Variants in SCN4B observed in about 807,000 individuals in gnomAD.
SCN4B encodes the protein sodium channel regulatory subunit beta-4.
Under a neutral mutation model 19.6 loss-of-function variants are expected in SCN4B, and 20 were observed. The observed-to-expected ratio is 1.02, with a 90% CI of 0.72 to 1.48. The LOEUF (loss-of-function observed/expected upper bound fraction) is 1.48, where lower values mean the gene tolerates loss of function less well. Ranked by LOEUF, SCN4B falls within the 40% of genes most tolerant of loss-of-function variation. The pLI is 0.00. For missense variants in SCN4B, 271 were observed against 287.5 expected, an observed-to-expected ratio of 0.94 and a Z score of 0.42; for synonymous variants, 127 against 122.8, an observed-to-expected ratio of 1.03 and a Z score of -0.22.
At chr11:118,149,891 C>T (rs796406229) in intron 1 of SCN4B, among the ~76,000 whole-genome samples, 20 of 152,336 alleles carry the variant, frequency 1.3e-4, no homozygotes, top group African/African-American at 4.3e-4. Context: ...CACAGGCTTG[C>T]ACCTCCAGCA....
rs537792120 is a variant in SCN4B at position 118,135,709 on chromosome 11, C to T, written c.*1318G>A. ...GAGGGCTGGCGAACCCTCACCAGCA[C>T]CACACCAGACTCTGCTGTTATGTCA... On this transcript the variant is annotated 3_prime_UTR_variant, in exon 5 of 5. Coordinates refer to ENST00000324727, the MANE Select transcript of SCN4B (RefSeq NM_174934.4). The T allele has an allele frequency of 1.5e-5, 7 of 454,444 alleles. No individual in the cohort carries two copies. The highest frequency in any genetic ancestry group is 1.1e-4 in the South Asian group (7 of 64,476). 28.2% of individuals were successfully genotyped at this position (454,444 alleles called of 1,614,324 possible).
In SCN4B at chr11:118,136,246, A is replaced by C. The variant is rs1191748865; in HGVS notation, c.*781T>G. The C allele has an allele frequency of 4.4e-6, 2 of 453,700 alleles. No homozygotes were observed. Among genetic ancestry groups the C allele is most frequent in the African/African-American group, 4.0e-5 (2 of 49,888 alleles). The allele number at this position is 453,700 out of a possible 1,614,324, so 28.1% of individuals were successfully genotyped here. A position where few individuals can be genotyped will look rare whatever the true frequency, so the allele number is the denominator to read the frequency against. ...ACTACCTCTGTGGCCCAATTCCCCAAGTAGAAATGCTTGGAAAGGCATAGG... is the reference window on the plus strand; with the variant it reads ...ACTACCTCTGTGGCCCAATTCCCCACGTAGAAATGCTTGGAAAGGCATAGG... On this transcript the variant is annotated 3_prime_UTR_variant, in exon 5 of 5. Transcript: ENST00000324727.
chr11:118,150,363 G>A lies in SCN4B; in HGVS notation c.61+2250C>T, dbSNP rs138243837. Among the ~76,000 whole-genome samples the A allele has an allele frequency of 4.6e-5, 7 of 152,258 alleles. No homozygotes were observed. The East Asian group carries it at 1.4e-3, about 29-fold the overall frequency. On this transcript the variant is annotated intron_variant, in intron 1 of 4. Coordinates refer to ENST00000324727, the MANE Select transcript of SCN4B (RefSeq NM_174934.4). Reference sequence around the variant, plus strand: ...TCTGTGAGACTGGGTTTGATACGGGGAGAGGGGAAGAGGACTCCTGGGAGT... The same window carrying A: ...TCTGTGAGACTGGGTTTGATACGGGAAGAGGGGAAGAGGACTCCTGGGAGT...
At chr11:118,141,458 C>A in intron 3 of SCN4B, 122 bp from the exon 4 acceptor site, 1 of 1,151,530 alleles carries the variant, frequency 8.7e-7, no homozygotes, top group Non-Finnish European at 1.3e-6. Flanking sequence ...GGGGCACATC[C>A]ACTCCCAGAC....
intron 1 of SCN4B, among the ~76,000 whole-genome samples, chr11:118,150,402 C>A (rs1948223615): frequency 1.3e-5 from 2 of 152,102 alleles, no homozygotes; most frequent in Non-Finnish European, 2.9e-5. Flanking sequence ...CTGCTCTGTA[C>A]CCAGTCTCCG....
At chr11:118,150,939 C>G (rs1200554886) in intron 1 of SCN4B, among the ~76,000 whole-genome samples, 1 of 152,158 alleles carries the variant, frequency 6.6e-6, no homozygotes, top group African/African-American at 2.4e-5. Context: ...TGCAGGTCTC[C>G]CACCTACAAG....
chr11:118,134,290 G>A lies in SCN4B; in HGVS notation c.*2737C>T. ...AGTCTCGCTGACATCACTCAGCCCA[G>A]CTGCATGTGGCCAGGTCTCTCAAGA... On this transcript the variant is annotated 3_prime_UTR_variant, in exon 5 of 5. Coordinates refer to ENST00000324727, the MANE Select transcript of SCN4B (RefSeq NM_174934.4). 2.2e-6 allele frequency: 1 copy of A among 454,136 alleles called. No individual in the cohort carries two copies. The highest frequency in any genetic ancestry group is 4.4e-6 in the Non-Finnish European group (1 of 226,804). The allele number at this position is 454,136 out of a possible 1,614,324, so 28.1% of individuals were successfully genotyped here.
chr11:118,141,753 A>T (rs1303150199), intron 3 of SCN4B: 2 of 219,016 alleles, frequency 9.1e-6, no homozygotes, highest in African/African-American at 4.6e-5. Context: ...TTAGATGGTG[A>T]GAAGATTTTG....
intron 2 of SCN4B, among the ~76,000 whole-genome samples, chr11:118,144,278 C>G (rs182297993): frequency 5.9e-5 from 9 of 152,294 alleles, no homozygotes; most frequent in Non-Finnish European, 1.2e-4. Context: ...CAGGCTAAAC[C>G]CATTTCCTTT....
In SCN4B at chr11:118,144,032, C is replaced by T. The variant is rs1255734652; in HGVS notation, c.264G>A (p.Lys88=). 6.2e-7 allele frequency: 1 copy of T among 1,613,736 alleles called. No individual in the cohort carries two copies. The highest frequency in any genetic ancestry group is 8.5e-7 in the Non-Finnish European group (1 of 1,179,772). The change falls in exon 3 of 5, where the codon AAG becomes AAA. Residue 88 remains lysine (K), a synonymous_variant. Transcript: ENST00000324727. ...ILIEGTVKNE[K]SDPKVTLKDD... ...CTTTCAACGTCACCTTGGGGTCAGA[C>T]TTCTCATTCTTCACAGTCCCCTCTA...
chr11:118,147,702 GC>G (rs576270309), intron 1 of SCN4B, among the ~76,000 whole-genome samples: 1 of 152,148 alleles, frequency 6.6e-6, no homozygotes, highest in Non-Finnish European at 1.5e-5. Context: ...ACCCTCCACA[GC>G]CCCCACAAAC....
At chr11:118,152,550 G>T (rs755929710) in intron 1 of SCN4B, 63 bp downstream of exon 1, 2 of 1,394,212 alleles carry the variant, frequency 1.4e-6, no homozygotes, top group African/African-American at 1.4e-5. Context: ...CTTCCTTCTC[G>T]AGTGTCCCCT....
intron 4 of SCN4B, among the ~76,000 whole-genome samples, chr11:118,139,907 TC>T (rs67486184): frequency 0.35 from 46,664 of 131,560 alleles, 7,897 homozygotes; most frequent in Non-Finnish European, 0.38. Context: ...TTTTCTTTTT[TC>T]TTTTTTTTTT....
intron 2 of SCN4B, 71 bp from the exon 3 acceptor site, chr11:118,144,132 C>T (rs573199847): frequency 2.1e-6 from 2 of 964,082 alleles, no homozygotes; most frequent in East Asian, 4.8e-5. Flanking sequence ...GTCATGACAT[C>T]ACACCAGCCC....
rs190737124 is a variant in SCN4B, at chr11:118,134,807, C to A, written c.*2220G>T. 5.5e-4 allele frequency: 250 copies of A among 454,002 alleles called. 4 individuals are homozygous for A. The East Asian group carries it at 0.014, about 25-fold the overall frequency. 28.1% of individuals were successfully genotyped at this position (454,002 alleles called of 1,614,324 possible). A position where few individuals can be genotyped will look rare whatever the true frequency, so the allele number is the denominator to read the frequency against. On this transcript the variant is annotated 3_prime_UTR_variant, in exon 5 of 5. Transcript: ENST00000324727. ...CTGGCTTCCCAGATCCCTTTCCAAGCCAAAAAGATGTTTTTAGACAAAACT... is the reference window on the plus strand; with the variant it reads ...CTGGCTTCCCAGATCCCTTTCCAAGACAAAAAGATGTTTTTAGACAAAACT...
Position 118,134,304 on chromosome 11 carries a change from G to A in SCN4B, c.*2723C>T, listed in dbSNP as rs1177177508. 1 of 454,118 alleles carries A rather than the reference G, an allele frequency of 2.2e-6. No individual in the cohort carries two copies. The highest frequency in any genetic ancestry group is 2.3e-5 in the Admixed American group (1 of 42,582). The allele number at this position is 454,118 out of a possible 1,614,324, so 28.1% of individuals were successfully genotyped here. A position where few individuals can be genotyped will look rare whatever the true frequency, so the allele number is the denominator to read the frequency against. On this transcript the variant is annotated 3_prime_UTR_variant, in exon 5 of 5. Transcript: ENST00000324727. ...CACTCAGCCCAGCTGCATGTGGCCA[G>A]GTCTCTCAAGATCGACTTTGTAAGT...
In SCN4B at chr11:118,144,053, C is replaced by T. The variant is rs759355022; in HGVS notation, c.243G>A (p.Glu81=). 6.2e-7 allele frequency: 1 copy of T among 1,610,584 alleles called. No individual in the cohort carries two copies. Among genetic ancestry groups the T allele is most frequent in the South Asian group, 1.1e-5 (1 of 91,030 alleles). ...CAGACTTCTCATTCTTCACAGTCCC[C>T]TCTATGAGCTGGTGGAGGAAGGGAG... ...NSSDAFKILI[E]GTVKNEKSDP... Residue 81 remains glutamate, a synonymous_variant, in exon 3 of 5, where the codon GAG becomes GAA. Transcript: ENST00000324727.
chr11:118,152,433 G>T (rs1401050442), intron 1 of SCN4B, among the ~76,000 whole-genome samples, 180 bp downstream of exon 1: 1 of 152,150 alleles, frequency 6.6e-6, no homozygotes, highest in African/African-American at 2.4e-5. Context: ...GGACGCACAC[G>T]GTCCCCAGGG....
At position 118,145,093 on chromosome 11, in the gene SCN4B, G is replaced by C. The variant is rs746892195; in HGVS notation, c.198C>G (p.Phe66Leu). The change falls in exon 2 of 5, where the codon TTC (phenylalanine) becomes TTG (leucine). Residue 66 changes from phenylalanine to leucine, a missense_variant. Coordinates refer to ENST00000324727, the MANE Select transcript of SCN4B (RefSeq NM_174934.4). The part of the protein sequence containing the change: ...SSCFGFEDLH[F>L]RWTYNSSDAF... ...CGTCACTGCTGTTGTAGGTCCACCG[G>C]AAGTGGAGGTCCTCGAAGCCAAAGC... 3 of 1,614,144 alleles carry C rather than the reference G, an allele frequency of 1.9e-6. No homozygotes were observed. The highest frequency in any genetic ancestry group is 2.5e-6 in the Non-Finnish European group (3 of 1,180,008).
Sources: allele counts gnomAD v4.1 joint callset (sites outside exome capture counted in the v4.1 genomes callset), GRCh38; gene constraint gnomAD v4.1.1; transcripts MANE v1.5; gene names NCBI Gene and HGNC (gene_info 2026-07-23, HGNC 2026-07-21).